PDZRN3: variants seen among roughly 807,000 people sequenced by gnomAD.
PDZRN3 encodes the protein PDZ domain containing ring finger 3.
A neutral mutation model predicts 85.7 loss-of-function variants in PDZRN3; 38 were observed. That is an observed-to-expected ratio of 0.44 (90% CI 0.34 to 0.58). The LOEUF is 0.58. Among genes scored for constraint, PDZRN3 ranks in the 20% least tolerant of loss-of-function variants. PDZRN3 has a pLI of 0.01. For synonymous variants in PDZRN3, 759 were observed against 638.0 expected, an observed-to-expected ratio of 1.19 and a Z score of -2.86; for missense variants, 1,629 against 1,506.4, an observed-to-expected ratio of 1.08 and a Z score of -1.35.
Position 73,384,781 on chromosome 3 carries a change from T to C in PDZRN3, c.1785A>G (p.Ala595=). 1 of 1,613,998 alleles carries C rather than the reference T, an allele frequency of 6.2e-7. No homozygotes were observed. The highest frequency in any genetic ancestry group is 8.5e-7 in the Non-Finnish European group (1 of 1,180,040). ...EQENNGDDAT[A]SSNPLAGQRK... is the part of the protein sequence containing the mutation. ...TCTGCCCCGCCAGCGGGTTGGAGGA[T>C]GCGGTGGCGTCGTCGCCATTGTTCT... The change falls in exon 10 of 10, where the codon GCA becomes GCG. Residue 595 remains alanine (A), a synonymous_variant. Transcript: ENST00000263666.
chr3:73,573,809 ACCTAT>A (rs780795622), intron 3 of PDZRN3, among the ~76,000 whole-genome samples: 1 of 78,640 alleles, frequency 1.3e-5, no homozygotes, highest in Non-Finnish European at 2.8e-5. Context: ...ATACACATAC[ACCTAT>A]ACATATACAT....
At position 73,453,552 on chromosome 3, in the gene PDZRN3, A is replaced by G. The variant is rs538905728; in HGVS notation, c.919-49157T>C. 7.9e-5 allele frequency among the ~76,000 whole-genome samples: 12 copies of G among 151,752 alleles called. No homozygotes were observed. The South Asian group carries it at 1.5e-3, about 18-fold the overall frequency. On this transcript the variant is annotated intron_variant, in intron 3 of 9. Coordinates refer to ENST00000263666, the MANE Select transcript of PDZRN3 (RefSeq NM_015009.3). The stretch of plus-strand genomic sequence containing the variant: ...GTTTTGCTTTCTTTAAAAAAGGTAC[A>G]ATAATTTCAATATATAGATATATGA...
intron 3 of PDZRN3, among the ~76,000 whole-genome samples, chr3:73,489,071 G>C (rs1703719658): frequency 1.3e-5 from 2 of 152,176 alleles, no homozygotes; most frequent in South Asian, 4.1e-4. Flanking sequence ...CCTTGGGATG[G>C]GGGAGATACC....
chr3:73,398,423 G>C (rs182486136), intron 5 of PDZRN3, among the ~76,000 whole-genome samples: 1 of 152,154 alleles, frequency 6.6e-6, no homozygotes, highest in Non-Finnish European at 1.5e-5. Context: ...GGCTTTAATG[G>C]GCACCGAGGT....
intron 3 of PDZRN3, among the ~76,000 whole-genome samples, chr3:73,597,312 C>T (rs1559752694): frequency 6.6e-6 from 1 of 152,102 alleles, no homozygotes; most frequent in African/African-American, 2.4e-5. Flanking sequence ...GACAGTCCAA[C>T]TAAACCAAAA....
chr3:73,562,040 T>G (rs895730996), intron 3 of PDZRN3, among the ~76,000 whole-genome samples: 1 of 152,174 alleles, frequency 6.6e-6, no homozygotes, highest in African/African-American at 2.4e-5. Context: ...ACTAGGAAAT[T>G]CATAAATTCT....
intron 4 of PDZRN3, 151 bp from the exon 5 acceptor site, chr3:73,401,160 G>A: frequency 3.3e-6 from 2 of 614,500 alleles, no homozygotes; most frequent in East Asian, 2.8e-5. Flanking sequence ...TCTCAGCACG[G>A]TCAGGACCTC....
At chr3:73,466,146 T>C (rs1703208022) in intron 3 of PDZRN3, among the ~76,000 whole-genome samples, 1 of 152,202 alleles carries the variant, frequency 6.6e-6, no homozygotes, top group Non-Finnish European at 1.5e-5. Context: ...AGGAGCCTGC[T>C]GTAATTGGCA....
intron 3 of PDZRN3, among the ~76,000 whole-genome samples, chr3:73,511,416 G>A (rs1704162525): frequency 6.6e-6 from 1 of 152,180 alleles, no homozygotes; most frequent in Non-Finnish European, 1.5e-5. Flanking sequence ...CCCCCCGTCT[G>A]CATCCTCTAG....
chr3:73,431,333 T>C (rs1290205978), intron 3 of PDZRN3, among the ~76,000 whole-genome samples: 1 of 152,204 alleles, frequency 6.6e-6, no homozygotes, highest in African/African-American at 2.4e-5. Flanking sequence ...AAAAAGAAAC[T>C]GTAGGCAGCT....
chr3:73,467,273 C>T (rs1259696653), intron 3 of PDZRN3, among the ~76,000 whole-genome samples: 2 of 152,184 alleles, frequency 1.3e-5, no homozygotes, highest in African/African-American at 4.8e-5. Flanking sequence ...CACCTGGTGA[C>T]ATATAATTGA....
At position 73,602,077 on chromosome 3, in the gene PDZRN3, G is replaced by A. The variant is rs1219686879; in HGVS notation, c.918+277C>T. On this transcript the variant is annotated intron_variant, in intron 3 of 9. Coordinates refer to ENST00000263666, the MANE Select transcript of PDZRN3 (RefSeq NM_015009.3). Reference sequence around the variant, plus strand: ...TCCAACTCTTCAACGGTTTTCGCGCGAAACTGTAACTGATGCATACGAAAC... The same window carrying A: ...TCCAACTCTTCAACGGTTTTCGCGCAAAACTGTAACTGATGCATACGAAAC... Among the ~76,000 whole-genome samples the A allele has an allele frequency of 3.3e-5, 5 of 152,268 alleles. No homozygotes were observed. In the South Asian group the frequency reaches 6.2e-4, roughly 19 times the overall value.
intron 3 of PDZRN3, chr3:73,433,959 C>G: frequency 7.5e-7 from 1 of 1,335,214 alleles, no homozygotes; most frequent in Non-Finnish European, 9.6e-7. Flanking sequence ...CAGACATACA[C>G]GCACACCACT....
chr3:73,486,995 C>T (rs1168532367), intron 3 of PDZRN3, among the ~76,000 whole-genome samples: 1 of 152,124 alleles, frequency 6.6e-6, no homozygotes, highest in African/African-American at 2.4e-5. Flanking sequence ...GTATTTTACA[C>T]CTTGTCTCCT....
chr3:73,419,287 G>C (rs934922681), intron 3 of PDZRN3, among the ~76,000 whole-genome samples: 6 of 152,254 alleles, frequency 3.9e-5, no homozygotes, highest in Admixed American at 3.9e-4. Context: ...GAAAAAGGAT[G>C]TTAACAAGTT....
intron 3 of PDZRN3, among the ~76,000 whole-genome samples, chr3:73,485,500 C>T (rs1479855526): frequency 6.6e-6 from 1 of 152,056 alleles, no homozygotes; most frequent in Non-Finnish European, 1.5e-5. Context: ...AAGTAGTTTT[C>T]CTACTACTAC....
At chr3:73,461,845 C>T (rs558071001) in intron 3 of PDZRN3, among the ~76,000 whole-genome samples, 4 of 152,302 alleles carry the variant, frequency 2.6e-5, no homozygotes, top group Non-Finnish European at 4.4e-5. Flanking sequence ...TGATTCACTA[C>T]GGCAGGGCCA....
At chr3:73,505,982 G>C (rs1256535378) in intron 3 of PDZRN3, among the ~76,000 whole-genome samples, 1 of 152,008 alleles carries the variant, frequency 6.6e-6, no homozygotes, top group Non-Finnish European at 1.5e-5. Context: ...AGACTCCCAT[G>C]AATCAACACA....
chr3:73,404,505 G>A, intron 3 of PDZRN3, 110 bp from the exon 4 acceptor site: 2 of 1,207,462 alleles, frequency 1.7e-6, no homozygotes, highest in Admixed American at 2.3e-5. Context: ...AAAGAAGCAG[G>A]TGGTGGTGTC....
Sources: gnomAD v4.1 joint callset for allele counts (sites outside exome capture counted in the v4.1 genomes callset) on GRCh38, gnomAD v4.1.1 for gene constraint, MANE v1.5 for transcripts, NCBI Gene and HGNC (gene_info 2026-07-23, HGNC 2026-07-21) for gene names.